Variants in GNAS-AS1 observed in about 807,000 individuals in gnomAD.
GNAS-AS1 encodes the protein GNAS antisense RNA 1 (non-protein coding).
chr20:58,840,967 C>T lies in GNAS-AS1; in HGVS notation n.819+970G>A. ...GTGGAAAGGAGGTGAGAAGGAAAGG[C>T]AGGTCAGGGGCGAGTGGGAAGAGAG... is the stretch of plus-strand genomic sequence containing the variant. On this transcript the variant is annotated intron_variant and non_coding_transcript_variant, in intron 4 of 4. Coordinates refer to ENST00000424094, the Ensembl canonical transcript of GNAS-AS1. The surrounding 1 kb of genome is among the most constrained non-coding windows in gnomAD (Gnocchi z 6.0). The T allele has an allele frequency of 6.9e-7, 1 of 1,457,598 alleles. No homozygotes were observed. The highest frequency in any genetic ancestry group is 9.5e-7 in the Non-Finnish European group (1 of 1,056,956). The allele number at this position is 1,457,598 out of a possible 1,614,324, so 90.3% of individuals were successfully genotyped here.
intron 4 of GNAS-AS1, chr20:58,836,375 C>A (rs974857049): frequency 1.3e-5 from 2 of 152,146 alleles, no homozygotes; most frequent in Admixed American, 6.5e-5. Context: ...CCCTCTAGAG[C>A]CATATATAAT....
chr20:58,841,156 G>T lies in GNAS-AS1; in HGVS notation n.819+781C>A, dbSNP rs2085705530. Among the ~76,000 whole-genome samples the T allele has an allele frequency of 6.6e-6, 1 of 152,150 alleles. No individual in the cohort carries two copies. Among genetic ancestry groups the T allele is most frequent in the Non-Finnish European group, 1.5e-5 (1 of 68,034 alleles). On this transcript the variant is annotated intron_variant and non_coding_transcript_variant, in intron 4 of 4. Transcript: ENST00000424094. This position sits in a 1 kb window ranked among gnomAD's most constrained non-coding sequence, Gnocchi z 5.0. ...GACAACCTGAGGTCTCCGAGCTGGTGCCCCGGCTACGCGACTGAATCCCGA... is the reference window on the plus strand; with the variant it reads ...GACAACCTGAGGTCTCCGAGCTGGTTCCCCGGCTACGCGACTGAATCCCGA...
chr20:58,840,353 G>T lies in GNAS-AS1; in HGVS notation n.819+1584C>A, dbSNP rs2085670501. Reference sequence around the variant, plus strand: ...GGTATTCCCTGAGTCCCCCGAATCGGAATCTGACCACGAGCACGAGGAGGC... The same window carrying T: ...GGTATTCCCTGAGTCCCCCGAATCGTAATCTGACCACGAGCACGAGGAGGC... On this transcript the variant is annotated intron_variant and non_coding_transcript_variant, in intron 4 of 4. Coordinates refer to ENST00000424094, the Ensembl canonical transcript of GNAS-AS1. The surrounding 1 kb of genome is among the most constrained non-coding windows in gnomAD (Gnocchi z 6.0). 6.2e-7 allele frequency: 1 copy of T among 1,613,228 alleles called. No homozygotes were observed. Among genetic ancestry groups the T allele is most frequent in the Non-Finnish European group, 8.5e-7 (1 of 1,180,006 alleles).
intron 4 of GNAS-AS1, among the ~76,000 whole-genome samples, chr20:58,829,532 G>A (rs1163756945): frequency 6.6e-6 from 1 of 152,180 alleles, no homozygotes; most frequent in Non-Finnish European, 1.5e-5. Context: ...CTGTTCTCCA[G>A]CTCTGCTGAC....
In GNAS-AS1 at chr20:58,824,060, G is replaced by C. The variant is rs77425223; in HGVS notation, n.820-4805C>G. 3,221 of 398,662 alleles carry C rather than the reference G, an allele frequency of 8.1e-3. 94 individuals carry two copies. The highest frequency in any genetic ancestry group is 0.06 in the African/African-American group (2,933 of 48,750). 24.7% of individuals were successfully genotyped at this position (398,662 alleles called of 1,614,324 possible). On this transcript the variant is annotated intron_variant and non_coding_transcript_variant, in intron 4 of 4. Transcript: ENST00000424094. ...CGCTCTCTTTGGGGAGGAAGAGGTC[G>C]GCTTCAACATATCCTAAAAGAACCC...
intron 4 of GNAS-AS1, among the ~76,000 whole-genome samples, chr20:58,832,681 C>T (rs567955849): frequency 3.3e-5 from 5 of 152,170 alleles, no homozygotes; most frequent in Admixed American, 6.5e-5. Flanking sequence ...CCACAGAAGG[C>T]CACAACACTC....
rs918987128 is a variant in GNAS-AS1 at position 58,841,030 on chromosome 20, T to A, written n.819+907A>T. 4.1e-6 allele frequency: 4 copies of A among 980,156 alleles called. No individual in the cohort carries two copies. Among genetic ancestry groups the A allele is most frequent in the African/African-American group, 1.6e-5 (1 of 61,434 alleles). The allele number at this position is 980,156 out of a possible 1,614,324, so 60.7% of individuals were successfully genotyped here. A position where few individuals can be genotyped will look rare whatever the true frequency, so the allele number is the denominator to read the frequency against. On this transcript the variant is annotated intron_variant and non_coding_transcript_variant, in intron 4 of 4. Coordinates refer to ENST00000424094, the Ensembl canonical transcript of GNAS-AS1. The surrounding 1 kb of genome is among the most constrained non-coding windows in gnomAD (Gnocchi z 5.0). ...GTCAGCCTGGGATCGGGGGTCAGGG[T>A]GAGGCGGCGAGGGCTCCCCCAAACT...
At chr20:58,822,343 A>ATACT (rs1210336339) in intron 4 of GNAS-AS1, among the ~76,000 whole-genome samples, 2 of 152,222 alleles carry the variant, frequency 1.3e-5, no homozygotes, top group Non-Finnish European at 2.9e-5. Context: ...GAGATGAGTG[A>ATACT]CAGGCACAAG....
chr20:58,833,737 G>C (rs574941233), intron 4 of GNAS-AS1: 9 of 152,296 alleles, frequency 5.9e-5, no homozygotes, highest in African/African-American at 2.2e-4. Flanking sequence ...CCTAACACCA[G>C]CACGAGGCAG....
chr20:58,848,700 C>T (rs2086037721), intron 2 of GNAS-AS1, among the ~76,000 whole-genome samples: 1 of 152,098 alleles, frequency 6.6e-6, no homozygotes, highest in African/African-American at 2.4e-5. Context: ...CCAATCAGGC[C>T]AATCAAGGTG....
intron 4 of GNAS-AS1, among the ~76,000 whole-genome samples, chr20:58,820,810 A>G (rs570536611): frequency 2.0e-4 from 30 of 152,342 alleles, no homozygotes; most frequent in African/African-American, 6.7e-4. Flanking sequence ...CGCTATCATG[A>G]GAACAGCACA....
chr20:58,846,636 C>T (rs2085949454), intron 2 of GNAS-AS1, among the ~76,000 whole-genome samples: 1 of 152,220 alleles, frequency 6.6e-6, no homozygotes, highest in Admixed American at 6.5e-5. Context: ...GTCCAAGGGG[C>T]ACAGGCCAAA....
rs1177843871 is a variant in GNAS-AS1, at chr20:58,841,273, A to G, written n.819+664T>C. On this transcript the variant is annotated intron_variant and non_coding_transcript_variant, in intron 4 of 4. Coordinates refer to ENST00000424094, the Ensembl canonical transcript of GNAS-AS1. This position sits in a 1 kb window ranked among gnomAD's most constrained non-coding sequence, Gnocchi z 5.0. ...CTTCCTCCTAGAAAGACTAGTCTCA[A>G]ATAAGTTGGCCTTCTCAGGTGTCCA... 1 of 1,043,032 alleles carries G rather than the reference A, an allele frequency of 9.6e-7. No homozygotes were observed. Among genetic ancestry groups the G allele is most frequent in the Non-Finnish European group, 1.2e-6 (1 of 850,186 alleles). The allele number at this position is 1,043,032 out of a possible 1,614,324, so 64.6% of individuals were successfully genotyped here.
At chr20:58,823,827 C>T (rs2085502315) in intron 4 of GNAS-AS1, among the ~76,000 whole-genome samples, 1 of 152,218 alleles carries the variant, frequency 6.6e-6, no homozygotes, top group African/African-American at 2.4e-5. Flanking sequence ...TTAGAGCACT[C>T]CTAGTGCTCA....
At chr20:58,846,949 C>T (rs992382683) in intron 2 of GNAS-AS1, among the ~76,000 whole-genome samples, 6 of 152,212 alleles carry the variant, frequency 3.9e-5, no homozygotes, top group African/African-American at 1.4e-4. Context: ...TTTTGCCTCT[C>T]TCTTAGTTGC....
intron 4 of GNAS-AS1, among the ~76,000 whole-genome samples, chr20:58,829,904 C>A (rs1320088660): frequency 1.3e-5 from 2 of 152,088 alleles, no homozygotes; most frequent in Non-Finnish European, 2.9e-5. Context: ...CCATTGTATT[C>A]CCAGTGCCTC....
chr20:58,829,659 C>T (rs957226769), intron 4 of GNAS-AS1, among the ~76,000 whole-genome samples: 1 of 152,226 alleles, frequency 6.6e-6, no homozygotes, highest in Non-Finnish European at 1.5e-5. Context: ...CTGCACCAAC[C>T]CCCTGCTGCC....
intron 2 of GNAS-AS1, among the ~76,000 whole-genome samples, chr20:58,845,035 CGT>C (rs3842443): frequency 6.6e-6 from 1 of 150,982 alleles, no homozygotes; most frequent in African/African-American, 2.4e-5. Flanking sequence ...GTGTGTTTTA[CGT>C]GTGTGTGTGT....
intron 4 of GNAS-AS1, among the ~76,000 whole-genome samples, chr20:58,823,715 G>T (rs112326466): frequency 3.3e-5 from 5 of 152,248 alleles, no homozygotes; most frequent in Admixed American, 3.3e-4. Context: ...GTCCGCTGGG[G>T]TACTGTCTGC....
Sources: gnomAD v4.1 joint callset for allele counts (sites outside exome capture counted in the v4.1 genomes callset) on GRCh38, gnomAD v4.1.1 for gene constraint, Gnocchi (gnomAD v3.1) non-coding constraint, MANE v1.5 for transcripts, NCBI Gene and HGNC (gene_info 2026-07-23, HGNC 2026-07-21) for gene names.